The following LIPA variants were observed in gnomAD, a reference collection of about 807,000 sequenced individuals.
LIPA encodes lysosomal acid lipase/cholesteryl ester hydrolase.
Under a neutral mutation model 40.6 loss-of-function variants are expected in LIPA, and 26 were observed. The ratio of observed to expected loss-of-function variants is 0.64; its 90% CI spans 0.47 to 0.89. The LOEUF (loss-of-function observed/expected upper bound fraction) is 0.89. Among genes scored for constraint, LIPA ranks in the 40% least tolerant of loss-of-function variants. LIPA has a pLI of 0.00. For missense variants in LIPA, 455 were observed against 479.6 expected, an observed-to-expected ratio of 0.95 and a Z score of 0.48; for synonymous variants, 188 against 168.4, an observed-to-expected ratio of 1.12 and a Z score of -0.90.
intron 3 of LIPA, among the ~76,000 whole-genome samples, chr10:89,236,650 G>A (rs1214419200): frequency 1.3e-5 from 2 of 152,008 alleles, no homozygotes; most frequent in Non-Finnish European, 2.9e-5. Context: ...ACATAAAGAT[G>A]ACTGTTAAAA....
At chr10:89,339,756 T>C (rs138219383) in intron 1 of LIPA, 251 of 1,613,942 alleles carry the variant, frequency 1.6e-4, no homozygotes, top group Non-Finnish European at 2.1e-4. Flanking sequence ...ACTGCAACCT[T>C]CAGAAATATA....
At chr10:89,390,457 G>A (rs1349473525) in intron 2 of LIPA, among the ~76,000 whole-genome samples, 2 of 152,204 alleles carry the variant, frequency 1.3e-5, no homozygotes, top group Admixed American at 6.5e-5. Flanking sequence ...TGAGGAAATT[G>A]AGATTCATAG....
At chr10:89,264,632 G>A (rs73359606) in intron 1 of LIPA, among the ~76,000 whole-genome samples, 1,780 of 152,334 alleles carry the variant, frequency 0.012, 45 homozygotes, top group African/African-American at 0.038. Flanking sequence ...GCTCCTATCC[G>A]TAGGCAGGTC....
At chr10:89,347,608 C>CT (rs1359231290), upstream of LIPA, among the ~76,000 whole-genome samples, 2 of 152,194 alleles carry the variant, frequency 1.3e-5, no homozygotes, top group East Asian at 3.8e-4. Flanking sequence ...TTTCTAGGAT[C>CT]TCTGTCAGTA....
At chr10:89,368,746 T>C (rs1844075298) in intron 2 of LIPA, among the ~76,000 whole-genome samples, 1 of 152,150 alleles carries the variant, frequency 6.6e-6, no homozygotes. Flanking sequence ...CTTTTCCTGC[T>C]CTGGCCCTGG....
intron 1 of LIPA, among the ~76,000 whole-genome samples, chr10:89,271,245 A>T (rs1343434216): frequency 2.6e-5 from 4 of 152,240 alleles, no homozygotes. Flanking sequence ...AAAATGGCCA[A>T]TGCAGTACTC....
intron 2 of LIPA, among the ~76,000 whole-genome samples, chr10:89,407,164 GACA>G (rs940732243): frequency 6.6e-6 from 1 of 152,130 alleles, no homozygotes; most frequent in African/African-American, 2.4e-5. Flanking sequence ...CTGGGGTCCT[GACA>G]ACAAGTTCAT....
Position 89,338,775 on chromosome 10 carries a change from C to T in LIPA, c.-2+3836G>A, listed in dbSNP as rs1843790884. ...GGGATCTAGAAGATAGAGTGTGTAA[C>T]CAGATTGAATTTTTAAACACTGAGT... is the stretch of plus-strand genomic sequence containing the variant. On this transcript the variant is annotated intron_variant, in intron 1 of 5. Transcript: ENST00000282673. The T allele has an allele frequency of 2.5e-6, 4 of 1,613,922 alleles. No individual in the cohort carries two copies. In the Admixed American group the frequency reaches 6.7e-5, roughly 27 times the overall value.
chr10:89,247,793 G>A (rs1045419627), intron 1 of LIPA, 144 bp from the exon 2 acceptor site: 5 of 527,626 alleles, frequency 9.5e-6, no homozygotes, highest in African/African-American at 1.9e-5. Flanking sequence ...AATGACTCCA[G>A]CCATATCTGA....
intron 1 of LIPA, among the ~76,000 whole-genome samples, chr10:89,318,887 C>T (rs1479359860): frequency 1.3e-5 from 2 of 152,156 alleles, no homozygotes; most frequent in African/African-American, 2.4e-5. Flanking sequence ...TGCAATCAAA[C>T]TAGAACTCAG....
At chr10:89,363,254 A>G (rs895104505) in intron 2 of LIPA, 1 of 154,620 alleles carries the variant, frequency 6.5e-6, no homozygotes, top group African/African-American at 2.4e-5. Context: ...AAGATTAGTT[A>G]TATCTCATGT....
At chr10:89,362,102 C>A (rs1320523940) in intron 2 of LIPA, among the ~76,000 whole-genome samples, 1 of 151,754 alleles carries the variant, frequency 6.6e-6, no homozygotes, top group Non-Finnish European at 1.5e-5. Flanking sequence ...TAGAGTTTTG[C>A]CATGTTGCCC....
chr10:89,351,619 A>G (rs1843959128), intron 2 of LIPA, among the ~76,000 whole-genome samples: 1 of 152,224 alleles, frequency 6.6e-6, no homozygotes, highest in Admixed American at 6.5e-5. Flanking sequence ...AGAACAGGCA[A>G]TTAGAATATG....
chr10:89,322,349 A>T (rs1299432706), intron 1 of LIPA, among the ~76,000 whole-genome samples: 1 of 152,164 alleles, frequency 6.6e-6, no homozygotes, highest in African/African-American at 2.4e-5. Flanking sequence ...CTGAGAAATC[A>T]TGTCAGGGAT....
intron 2 of LIPA, among the ~76,000 whole-genome samples, chr10:89,374,226 T>G (rs1489092773): frequency 6.6e-6 from 1 of 152,218 alleles, no homozygotes; most frequent in East Asian, 1.9e-4. Flanking sequence ...TGGTTAAGTT[T>G]TATTTCTCCA....
At chr10:89,234,268 A>T (rs1340889005) in intron 3 of LIPA, among the ~76,000 whole-genome samples, 1 of 152,226 alleles carries the variant, frequency 6.6e-6, no homozygotes, top group Non-Finnish European at 1.5e-5. Context: ...AGGCTGGGGA[A>T]CCACTAGGAA....
At chr10:89,307,470 C>T in intron 1 of LIPA, 1 of 1,004,346 alleles carries the variant, frequency 1.0e-6, no homozygotes, top group Non-Finnish European at 1.5e-6. Flanking sequence ...ACTGGTATGG[C>T]AAAAGATTGG....
At chr10:89,393,021 A>G in intron 2 of LIPA, 2 of 800,162 alleles carry the variant, frequency 2.5e-6, no homozygotes, top group Non-Finnish European at 1.8e-6. Flanking sequence ...TCCCAATCTG[A>G]GAGATTCTTT....
At chr10:89,310,942 T>C (rs1888921) in intron 1 of LIPA, among the ~76,000 whole-genome samples, 17,837 of 152,218 alleles carry the variant, frequency 0.12, 1,419 homozygotes, top group Middle Eastern at 0.18. Context: ...TGTAAAAATA[T>C]ATAGTAAATT....
Sources: allele counts gnomAD v4.1 joint callset (sites outside exome capture counted in the v4.1 genomes callset), GRCh38; gene constraint gnomAD v4.1.1; transcripts MANE v1.5; gene names NCBI Gene and HGNC (gene_info 2026-07-23, HGNC 2026-07-21).